Variants in HTR4 observed in about 807,000 individuals in gnomAD.
HTR4 encodes the protein 5-hydroxytryptamine (serotonin) receptor 4, G protein-coupled.
HTR4 carries 16 observed loss-of-function variants against 36.8 expected under a neutral mutation model. That is an observed-to-expected ratio of 0.43 (90% confidence interval 0.29 to 0.66). The LOEUF (loss-of-function observed/expected upper bound fraction) is 0.66. HTR4 is among the 30% of genes least tolerant of loss of function. The pLI, the probability that HTR4 is intolerant of heterozygous loss-of-function variation, is 0.13. For synonymous variants in HTR4, 189 were observed against 185.1 expected (o/e 1.02, Z -0.17); for missense variants, 438 against 490.9 (o/e 0.89, Z 1.02).
At chr5:148,611,213 G>A in intron 2 of HTR4, among the ~76,000 whole-genome samples, 1 of 146,606 alleles carries the variant, frequency 6.8e-6, no homozygotes, top group Non-Finnish European at 1.5e-5. Flanking sequence ...GCAACTCCAA[G>A]ACACATAATT....
chr5:148,590,492 G>A (rs1357182575), intron 2 of HTR4, among the ~76,000 whole-genome samples: 1 of 150,684 alleles, frequency 6.6e-6, no homozygotes, highest in Non-Finnish European at 1.5e-5. Context: ...GACGGGGTTG[G>A]TATTATTTTT....
intron 6 of HTR4, among the ~76,000 whole-genome samples, chr5:148,502,355 G>A (rs1756975575): frequency 1.3e-5 from 2 of 152,196 alleles, no homozygotes; most frequent in African/African-American, 4.8e-5. Flanking sequence ...TCGCTATTCT[G>A]CAGCCTCTGC....
intron 4 of HTR4, among the ~76,000 whole-genome samples, chr5:148,536,593 T>C (rs1758835580): frequency 6.6e-6 from 1 of 152,172 alleles, no homozygotes; most frequent in South Asian, 2.1e-4. Context: ...ATTGCAATCC[T>C]AATTTCAGGC....
chr5:148,473,380 A>C (rs755448832), downstream of HTR4, among the ~76,000 whole-genome samples: 1 of 152,140 alleles, frequency 6.6e-6, no homozygotes, highest in Non-Finnish European at 1.5e-5. Context: ...AGACTAGATA[A>C]GTTGTATCAA....
At chr5:148,476,493 T>C, downstream of HTR4, 1 of 1,091,134 alleles carries the variant, frequency 9.2e-7, no homozygotes. Context: ...GAAAGAGTTT[T>C]CTCTTATCAG....
intron 2 of HTR4, 49 bp from the exon 3 acceptor site, chr5:148,550,311 A>G (rs956249985): frequency 7.5e-6 from 12 of 1,605,808 alleles, no homozygotes; most frequent in African/African-American, 1.3e-5. Context: ...TCTGGGACAC[A>G]AGAAGGAAAA....
At chr5:148,619,928 A>C (rs1445119374) in intron 2 of HTR4, among the ~76,000 whole-genome samples, 2 of 152,226 alleles carry the variant, frequency 1.3e-5, no homozygotes, top group African/African-American at 4.8e-5. Flanking sequence ...AGGATACCAA[A>C]ATAAATTAAA....
intron 2 of HTR4, among the ~76,000 whole-genome samples, chr5:148,616,262 T>A (rs558897035): frequency 6.6e-6 from 1 of 152,226 alleles, no homozygotes; most frequent in African/African-American, 2.4e-5. Context: ...TTTTCCAAAA[T>A]GTGTTTAGAA....
downstream of HTR4, among the ~76,000 whole-genome samples, chr5:148,475,209 A>G (rs547324954): frequency 6.6e-6 from 1 of 152,320 alleles, no homozygotes; most frequent in African/African-American, 2.4e-5. Context: ...TGAGTTAGGT[A>G]GTGTTAATAC....
chr5:148,528,515 T>G (rs1758397059), intron 4 of HTR4, among the ~76,000 whole-genome samples: 1 of 151,362 alleles, frequency 6.6e-6, no homozygotes. Flanking sequence ...CTCTGAAGGC[T>G]GGACTCAAGA....
chr5:148,621,698 G>A (rs764647837), intron 2 of HTR4, among the ~76,000 whole-genome samples: 26 of 152,262 alleles, frequency 1.7e-4, no homozygotes, highest in Non-Finnish European at 2.2e-4. Context: ...TTTGAAGAGC[G>A]ATTCCATGGA....
At chr5:148,597,244 T>G (rs1029130490) in intron 2 of HTR4, among the ~76,000 whole-genome samples, 1 of 152,194 alleles carries the variant, frequency 6.6e-6, no homozygotes, top group Non-Finnish European at 1.5e-5. Flanking sequence ...TACATGAACC[T>G]CTTATGTATA....
At chr5:148,653,122 C>T (rs1376029238) in intron 1 of HTR4, among the ~76,000 whole-genome samples, 1 of 152,110 alleles carries the variant, frequency 6.6e-6, no homozygotes, top group African/African-American at 2.4e-5. Context: ...CACAGTCACC[C>T]ACAGCTTTAA....
chr5:148,501,128 T>G (rs1156823668), intron 6 of HTR4, among the ~76,000 whole-genome samples: 1 of 152,162 alleles, frequency 6.6e-6, no homozygotes, highest in Non-Finnish European at 1.5e-5. Context: ...ATTAAATAAA[T>G]TTTAATATGT....
chr5:148,524,689 A>G (rs995709801), intron 4 of HTR4, among the ~76,000 whole-genome samples: 1 of 152,190 alleles, frequency 6.6e-6, no homozygotes, highest in African/African-American at 2.4e-5. Context: ...AGAAATGCAA[A>G]AAGAGCCTGG....
At chr5:148,587,090 G>A (rs967979720) in intron 2 of HTR4, among the ~76,000 whole-genome samples, 1 of 152,140 alleles carries the variant, frequency 6.6e-6, no homozygotes, top group African/African-American at 2.4e-5. Flanking sequence ...GGCTGCTTTA[G>A]AAACTTATCG....
intron 2 of HTR4, among the ~76,000 whole-genome samples, chr5:148,566,187 A>T (rs1346518013): frequency 6.6e-6 from 1 of 152,196 alleles, no homozygotes; most frequent in Non-Finnish European, 1.5e-5. Flanking sequence ...ATATTTAATG[A>T]CAAGGGACAT....
rs893337918 is a variant in HTR4 at position 148,638,811 on chromosome 5, T to C, written c.-47-1750A>G. Among the ~76,000 whole-genome samples the C allele has an allele frequency of 4.6e-5, 7 of 152,006 alleles. No homozygotes were observed. In the South Asian group the frequency reaches 8.3e-4, roughly 18 times the overall value. ...AGCTCATGCCTATAATCCCAACACTTTGGGGGGCCTAGGTGAGTGGATCGC... is the reference window on the plus strand; with the variant it reads ...AGCTCATGCCTATAATCCCAACACTCTGGGGGGCCTAGGTGAGTGGATCGC... On this transcript the variant is annotated intron_variant, in intron 1 of 6. Transcript: ENST00000377888.
intron 5 of HTR4, chr5:148,465,805 A>T: frequency 1.3e-6 from 2 of 1,581,158 alleles, no homozygotes. Context: ...AAAGAAATAA[A>T]TAGGCAGACA....
Sources: gnomAD v4.1 joint callset for allele counts (sites outside exome capture counted in the v4.1 genomes callset) on GRCh38, gnomAD v4.1.1 for gene constraint, MANE v1.5 for transcripts, NCBI Gene and HGNC (gene_info 2026-07-23, HGNC 2026-07-21) for gene names.